LASP1: variants seen among roughly 807,000 people sequenced by gnomAD.
The protein encoded by LASP1 is LIM and SH3 protein 1.
In LASP1, 10 loss-of-function variants were observed where a neutral mutation model predicts 38.6. The ratio of observed to expected loss-of-function variants is 0.26; its 90% CI spans 0.16 to 0.44. The LOEUF (loss-of-function observed/expected upper bound fraction) is 0.44, where lower values mean the gene tolerates loss of function less well. Ranked by LOEUF, LASP1 falls within the 20% of genes least tolerant of loss-of-function variation. The probability of loss-of-function intolerance (pLI) is 1.00; values close to 1 mark genes in which losing one functional copy is unlikely to be tolerated. For synonymous variants in LASP1, 132 were observed against 140.8 expected (o/e 0.94, Z 0.44); for missense variants, 243 against 375.7 (o/e 0.65, Z 2.92).
intron 2 of LASP1, among the ~76,000 whole-genome samples, chr17:38,879,059 G>A (rs11656390): frequency 0.1 from 15,934 of 151,816 alleles, 1,172 homozygotes; most frequent in East Asian, 0.39. Context: ...CAAACTCAGT[G>A]TTGGGGCCTC....
chr17:38,894,991 G>A (rs1914444811), intron 3 of LASP1, among the ~76,000 whole-genome samples: 1 of 152,042 alleles, frequency 6.6e-6, no homozygotes, highest in Non-Finnish European at 1.5e-5. Flanking sequence ...GCCCACCTCA[G>A]CCTCCCAAAG....
intron 2 of LASP1, among the ~76,000 whole-genome samples, chr17:38,888,385 C>G (rs910714528): frequency 6.6e-6 from 1 of 151,910 alleles, no homozygotes; most frequent in South Asian, 2.1e-4. Flanking sequence ...TCAAGTGATT[C>G]TCCTGCCTCA....
In LASP1 at chr17:38,917,771, C is replaced by G. The variant is rs1477168013; in HGVS notation, c.613-834C>G. 2.6e-5 allele frequency among the ~76,000 whole-genome samples: 4 copies of G among 152,024 alleles called. No homozygotes were observed. In the East Asian group the frequency reaches 7.7e-4, roughly 29 times the overall value. The stretch of plus-strand genomic sequence containing the variant: ...TGCAATCACAGCTAGCTCACTGCAG[C>G]CTTAACCTCCTGGGTTGAAGCCATC... On this transcript the variant is annotated intron_variant, in intron 6 of 6. Transcript: ENST00000318008.
chr17:38,919,431 C>T lies in LASP1; in HGVS notation c.*653C>T, dbSNP rs1316908044. ...CACTGTGATTTTGCCCTCCTGCCCA[C>T]GCAGACCTGCAGCGGGCAAAGAGCT... On this transcript the variant is annotated 3_prime_UTR_variant, in exon 7 of 7. Coordinates refer to ENST00000318008, the MANE Select transcript of LASP1 (RefSeq NM_006148.4). 3 of 240,978 alleles carry T rather than the reference C, an allele frequency of 1.2e-5. No individual in the cohort carries two copies. The highest frequency in any genetic ancestry group is 3.0e-4 in the South Asian group (2 of 6,574). 14.9% of individuals were successfully genotyped at this position (240,978 alleles called of 1,614,324 possible). A position where few individuals can be genotyped will look rare whatever the true frequency, so the allele number is the denominator to read the frequency against.
In LASP1 at chr17:38,918,502, C is replaced by T. The variant is rs190834961; in HGVS notation, c.613-103C>T. ...TGGTGCTCCATTTCTGAGTTCACTG[C>T]TCCCCCAGGCTCTGCTCCAGGGTCG... On this transcript the variant is annotated intron_variant, in intron 6 of 6. Coordinates refer to ENST00000318008, the MANE Select transcript of LASP1 (RefSeq NM_006148.4). The surrounding 1 kb of genome is among the most constrained non-coding windows in gnomAD (Gnocchi z 4.4). 8 of 1,150,496 alleles carry T rather than the reference C, an allele frequency of 7.0e-6. No individual in the cohort carries two copies. In the African/African-American group the frequency reaches 1.2e-4, roughly 18 times the overall value. 71.3% of individuals were successfully genotyped at this position (1,150,496 alleles called of 1,614,324 possible).
chr17:38,892,975 G>T (rs76456039), intron 3 of LASP1, among the ~76,000 whole-genome samples: 1 of 150,696 alleles, frequency 6.6e-6, no homozygotes, highest in Non-Finnish European at 1.5e-5. Context: ...GTGTGTGTGC[G>T]TGTGCACGCA....
chr17:38,904,604 A>T (rs1410012917), intron 4 of LASP1: 1 of 152,244 alleles, frequency 6.6e-6, no homozygotes, highest in East Asian at 1.9e-4. Context: ...AAAATAAAAA[A>T]AAAAAAAGGA....
At chr17:38,871,502 G>T (rs774370506) in intron 1 of LASP1, among the ~76,000 whole-genome samples, 1 of 152,092 alleles carries the variant, frequency 6.6e-6, no homozygotes, top group African/African-American at 2.4e-5. Context: ...GAAGAGAGGT[G>T]CAAGGGTGGG....
In LASP1 at chr17:38,920,113, A is replaced by G. The variant is rs1915258213; in HGVS notation, c.*1335A>G. On this transcript the variant is annotated 3_prime_UTR_variant, in exon 7 of 7. Coordinates refer to ENST00000318008, the MANE Select transcript of LASP1 (RefSeq NM_006148.4). ...CACCAATCTGCCCTTTGCAGTGTGC[A>G]GGGTGGAAGGTAAGAGGTTGGTGTG... is the stretch of plus-strand genomic sequence containing the variant. 2 of 536,698 alleles carry G rather than the reference A, an allele frequency of 3.7e-6. No individual in the cohort carries two copies. 33.2% of individuals were successfully genotyped at this position (536,698 alleles called of 1,614,324 possible). A position where few individuals can be genotyped will look rare whatever the true frequency, so the allele number is the denominator to read the frequency against.
chr17:38,911,121 A>T (rs534075062), intron 4 of LASP1, among the ~76,000 whole-genome samples: 149 of 152,146 alleles, frequency 9.8e-4, no homozygotes, highest in African/African-American at 2.9e-3. Context: ...GTGCTGTGGG[A>T]GACCCCTGCA....
At chr17:38,886,005 C>T (rs371255571) in intron 2 of LASP1, among the ~76,000 whole-genome samples, 2 of 152,178 alleles carry the variant, frequency 1.3e-5, no homozygotes, top group Non-Finnish European at 2.9e-5. Context: ...ACACAGTCTC[C>T]TGACTTTGCC....
chr17:38,915,109 C>T lies in LASP1; in HGVS notation c.575C>T (p.Pro192Leu). The part of the protein sequence containing the change: ...SYGGYKEPAA[P>L]VSIQRSAPGG... ...GGTGGCTACAAGGAGCCTGCAGCCC[C>T]AGTCTCCATACAGCGCAGCGCCCCA... Residue 192 changes from proline to leucine, a missense_variant, in exon 6 of 7, where the codon CCA becomes CTA. Physicochemically the swap from Pro to Leu is moderately conservative, Grantham distance 98. Transcript: ENST00000318008. 1 of 1,614,060 alleles carries T rather than the reference C, an allele frequency of 6.2e-7. No homozygotes were observed. Among genetic ancestry groups the T allele is most frequent in the Non-Finnish European group, 8.5e-7 (1 of 1,180,016 alleles).
intron 2 of LASP1, among the ~76,000 whole-genome samples, chr17:38,885,280 C>T (rs1003125365): frequency 6.6e-6 from 1 of 152,136 alleles, no homozygotes; most frequent in Admixed American, 6.5e-5. Flanking sequence ...TAAAACGGCA[C>T]AATGAGAATG....
Position 38,870,169 on chromosome 17 carries a change from G to A in LASP1, c.-21G>A, listed in dbSNP as rs1376652398. 1.2e-6 allele frequency: 2 copies of A among 1,613,026 alleles called. No individual in the cohort carries two copies. Among genetic ancestry groups the A allele is most frequent in the Non-Finnish European group, 1.7e-6 (2 of 1,179,742 alleles). On this transcript the variant is annotated 5_prime_UTR_variant, in exon 1 of 7. Coordinates refer to ENST00000318008, the MANE Select transcript of LASP1 (RefSeq NM_006148.4). ...GACGCGCGTGAGCTCAGGCGTCCCC[G>A]CCCCAGCTTTTCTCGGAACCATGAA...
chr17:38,911,186 G>A (rs150585163), intron 4 of LASP1, among the ~76,000 whole-genome samples: 1 of 152,128 alleles, frequency 6.6e-6, no homozygotes, highest in Non-Finnish European at 1.5e-5. Flanking sequence ...AGTGGGGGTG[G>A]GGGACACCAC....
At chr17:38,882,709 C>G (rs1460618293) in intron 2 of LASP1, among the ~76,000 whole-genome samples, 1 of 152,196 alleles carries the variant, frequency 6.6e-6, no homozygotes. Context: ...AAACCTGCAT[C>G]GTTGTCTCCC....
chr17:38,915,251 G>C, intron 6 of LASP1, 105 bp downstream of exon 6: 1 of 890,548 alleles, frequency 1.1e-6, no homozygotes, highest in Non-Finnish European at 1.8e-6. Context: ...ACCCTCTGTT[G>C]TGTGTGATGA....
chr17:38,873,360 T>C (rs1176238264), intron 1 of LASP1, among the ~76,000 whole-genome samples: 1 of 152,158 alleles, frequency 6.6e-6, no homozygotes, highest in African/African-American at 2.4e-5. Flanking sequence ...TATGCTGGGC[T>C]CAGTCTTCAC....
rs926763754 is a variant in LASP1, at chr17:38,920,218, C to T, written c.*1440C>T. ...GCTCTGTCACTCCAGGCATATGTTT[C>T]CCCATCTCTGTCTGGGGCTACAGAA... is the stretch of plus-strand genomic sequence containing the variant. On this transcript the variant is annotated 3_prime_UTR_variant, in exon 7 of 7. Coordinates refer to ENST00000318008, the MANE Select transcript of LASP1 (RefSeq NM_006148.4). The T allele has an allele frequency of 2.1e-6, 1 of 482,996 alleles. No homozygotes were observed. The highest frequency in any genetic ancestry group is 4.0e-6 in the Non-Finnish European group (1 of 247,256). The allele number at this position is 482,996 out of a possible 1,614,324, so 29.9% of individuals were successfully genotyped here.
Sources: gnomAD v4.1 joint callset for allele counts (sites outside exome capture counted in the v4.1 genomes callset) on GRCh38, gnomAD v4.1.1 for gene constraint, Gnocchi (gnomAD v3.1) non-coding constraint, MANE v1.5 for transcripts, NCBI Gene and HGNC (gene_info 2026-07-23, HGNC 2026-07-21) for gene names.